The following SLC35F3 variants were observed in gnomAD, a reference collection of about 807,000 sequenced individuals.
SLC35F3 encodes putative thiamine transporter SLC35F3.
Under a neutral mutation model 49.9 loss-of-function variants are expected in SLC35F3, and 25 were observed. That is an observed-to-expected ratio of 0.50 (90% CI 0.37 to 0.70). The LOEUF (loss-of-function observed/expected upper bound fraction) is 0.70, where lower values mean the gene tolerates loss of function less well. Ranked by LOEUF, SLC35F3 falls within the 30% of genes least tolerant of loss-of-function variation. The probability of loss-of-function intolerance (pLI) is 0.00; values close to 1 mark genes in which losing one functional copy is unlikely to be tolerated. For missense variants in SLC35F3, 525 were observed against 639.8 expected (o/e 0.82, Z 1.94); for synonymous variants, 275 against 265.4 (o/e 1.04, Z -0.35).
Position 234,213,919 on chromosome 1 carries a change from T to C in SLC35F3, c.284-17498T>C, listed in dbSNP as rs1667075777. 2.0e-5 allele frequency: 3 copies of C among 152,690 alleles called. No homozygotes were observed. The South Asian group carries it at 6.2e-4, about 32-fold the overall frequency. The allele number at this position is 152,690 out of a possible 1,614,324, so 9.5% of individuals were successfully genotyped here. A position where few individuals can be genotyped will look rare whatever the true frequency, so the allele number is the denominator to read the frequency against. ...CAGCCTTGGGAAGCTTTGCTTTTTCTAACTCTCCCTGTGAAATAATTCAGG... is the reference window on the plus strand; with the variant it reads ...CAGCCTTGGGAAGCTTTGCTTTTTCCAACTCTCCCTGTGAAATAATTCAGG... On this transcript the variant is annotated intron_variant, in intron 2 of 7. Transcript: ENST00000366618.
rs1474238138 is a variant in SLC35F3, at chr1:234,214,623, A to C, written c.284-16794A>C. ...GGGGGTCCCTGCACCCTAGCCGGGG[A>C]ATGCTGCCACCCTGAGGGGGGCTGT... On this transcript the variant is annotated intron_variant, in intron 2 of 7. Transcript: ENST00000366618. The surrounding 1 kb of genome is among the most constrained non-coding windows in gnomAD (Gnocchi z 8.0). The C allele has an allele frequency of 6.6e-7, 1 of 1,505,688 alleles. No individual in the cohort carries two copies. The highest frequency in any genetic ancestry group is 2.8e-5 in the East Asian group (1 of 35,530). 93.3% of individuals were successfully genotyped at this position (1,505,688 alleles called of 1,614,324 possible).
chr1:233,980,893 C>A (rs1372001279), intron 2 of SLC35F3, among the ~76,000 whole-genome samples: 1 of 152,174 alleles, frequency 6.6e-6, no homozygotes, highest in Non-Finnish European at 1.5e-5. Context: ...ATTAACAAAT[C>A]TAATCCTCAT....
intron 4 of SLC35F3, among the ~76,000 whole-genome samples, chr1:234,310,017 A>G (rs527590101): frequency 6.6e-6 from 1 of 152,222 alleles, no homozygotes; most frequent in African/African-American, 2.4e-5. Context: ...GAAATAGGAC[A>G]CGTGCACTAT....
At position 234,155,393 on chromosome 1, in the gene SLC35F3, C is replaced by CTGATGATGATGATGA. The variant is rs141313348; in HGVS notation, c.284-76020_284-76019insGATGATGATGATGAT. 2.4e-3 allele frequency among the ~76,000 whole-genome samples: 241 copies of CTGATGATGATGATGA among 99,604 alleles called. 2 individuals carry two copies. In the South Asian group the frequency reaches 0.035, roughly 15 times the overall value. The allele number at this position is 99,604 out of a possible 152,430, so 65.3% of individuals were successfully genotyped here. ...CTTCTAAGTGAAAACTGCTATTCAC[C>CTGATGATGATGATGA]TGATTATTATTATTATTATTATTAT... On this transcript the variant is annotated intron_variant, in intron 2 of 7. Transcript: ENST00000366618.
At position 234,178,766 on chromosome 1, in the gene SLC35F3, A is replaced by G. The variant is rs568107123; in HGVS notation, c.284-52651A>G. Among the ~76,000 whole-genome samples, 38 of 152,152 alleles carry G rather than the reference A, an allele frequency of 2.5e-4. No individual in the cohort carries two copies. In the East Asian group the frequency reaches 7.0e-3, roughly 28 times the overall value. On this transcript the variant is annotated intron_variant, in intron 2 of 7. Transcript: ENST00000366618. ...TGCGTTTGCTACCATTCATGAACCC[A>G]TACTGACACATCATCACCACCCAGA...
intron 3 of SLC35F3, among the ~76,000 whole-genome samples, chr1:234,244,841 A>G (rs2102958682): frequency 6.6e-6 from 1 of 152,292 alleles, no homozygotes; most frequent in Admixed American, 6.5e-5. Flanking sequence ...AGTCCTGCTA[A>G]CTTTTTTATC....
At chr1:233,973,645 G>C (rs953691085) in intron 2 of SLC35F3, among the ~76,000 whole-genome samples, 2 of 152,194 alleles carry the variant, frequency 1.3e-5, no homozygotes, top group African/African-American at 4.8e-5. Flanking sequence ...AAGGCTAAGC[G>C]AGATGTATGC....
chr1:234,166,765 G>T (rs937740552), intron 2 of SLC35F3, among the ~76,000 whole-genome samples: 8 of 152,206 alleles, frequency 5.3e-5, no homozygotes, highest in African/African-American at 9.7e-5. Flanking sequence ...AACCATTCTG[G>T]ATGCAGTAAG....
At chr1:234,289,022 C>G (rs1668465356) in intron 3 of SLC35F3, among the ~76,000 whole-genome samples, 1 of 152,110 alleles carries the variant, frequency 6.6e-6, no homozygotes, top group Non-Finnish European at 1.5e-5. Context: ...CACAGTAATC[C>G]AGGGGAAAAG....
At chr1:234,307,487 T>G (rs1400531765) in intron 3 of SLC35F3, among the ~76,000 whole-genome samples, 4 of 152,228 alleles carry the variant, frequency 2.6e-5, no homozygotes, top group Non-Finnish European at 4.4e-5. Context: ...ACAGATTTCC[T>G]TCTAGATTGA....
chr1:233,915,013 GC>G (rs1017275903), intron 2 of SLC35F3, among the ~76,000 whole-genome samples: 11 of 152,182 alleles, frequency 7.2e-5, no homozygotes, highest in African/African-American at 2.7e-4. Flanking sequence ...GAAACGAATT[GC>G]TCTCCTCAGG....
At chr1:234,221,327 T>A (rs1034561642) in intron 2 of SLC35F3, among the ~76,000 whole-genome samples, 1 of 152,052 alleles carries the variant, frequency 6.6e-6, no homozygotes. Flanking sequence ...GGTCTGAGGT[T>A]GCCCCGAAAG....
intron 2 of SLC35F3, among the ~76,000 whole-genome samples, chr1:234,102,194 T>C (rs1222646806): frequency 6.6e-6 from 1 of 152,238 alleles, no homozygotes; most frequent in African/African-American, 2.4e-5. Context: ...GGGACCTCTT[T>C]AGAGAAGAGA....
At chr1:233,922,862 A>T (rs1185164698) in intron 2 of SLC35F3, among the ~76,000 whole-genome samples, 1 of 152,212 alleles carries the variant, frequency 6.6e-6, no homozygotes, top group Non-Finnish European at 1.5e-5. Context: ...AGCTTTCTAC[A>T]TATGGCTAGC....
At chr1:234,212,439 A>G (rs1667058083) in intron 2 of SLC35F3, among the ~76,000 whole-genome samples, 1 of 152,332 alleles carries the variant, frequency 6.6e-6, no homozygotes, top group Non-Finnish European at 1.5e-5. Flanking sequence ...TTTGCATTTT[A>G]TCTCTCCAAC....
intron 2 of SLC35F3, among the ~76,000 whole-genome samples, chr1:233,934,083 C>T (rs1176921406): frequency 6.6e-6 from 1 of 152,204 alleles, no homozygotes; most frequent in Non-Finnish European, 1.5e-5. Flanking sequence ...CAGAGTTTTT[C>T]ACATGCTGCT....
chr1:234,037,376 G>A (rs1167234061), intron 2 of SLC35F3, among the ~76,000 whole-genome samples: 2 of 152,102 alleles, frequency 1.3e-5, no homozygotes, highest in East Asian at 1.9e-4. Context: ...TATTCATGAG[G>A]GATCTGCCCC....
intron 2 of SLC35F3, among the ~76,000 whole-genome samples, chr1:234,093,088 T>C (rs1665067164): frequency 6.6e-6 from 1 of 152,170 alleles, no homozygotes; most frequent in South Asian, 2.1e-4. Flanking sequence ...TTTAACATCT[T>C]TGGGCCTCAA....
rs1203780755 is a variant in SLC35F3 at position 234,130,463 on chromosome 1, A to T, written c.284-100954A>T. 2.3e-5 allele frequency among the ~76,000 whole-genome samples: 3 copies of T among 132,398 alleles called. No homozygotes were observed. In the South Asian group the frequency reaches 7.6e-4, roughly 34 times the overall value. The allele number at this position is 132,398 out of a possible 152,430, so 86.9% of individuals were successfully genotyped here. On this transcript the variant is annotated intron_variant, in intron 2 of 7. Coordinates refer to ENST00000366618, the MANE Select transcript of SLC35F3 (RefSeq NM_173508.4). ...AGGCCATCCTGGCTAACACGGTGAA[A>T]CCCCGTCTCTAAAAAAAAAAAAAAA...
Sources: gnomAD v4.1 joint callset for allele counts (sites outside exome capture counted in the v4.1 genomes callset) on GRCh38, gnomAD v4.1.1 for gene constraint, Gnocchi (gnomAD v3.1) non-coding constraint, MANE v1.5 for transcripts, NCBI Gene and HGNC (gene_info 2026-07-23, HGNC 2026-07-21) for gene names.